STAC: variants seen among roughly 807,000 people sequenced by gnomAD.
STAC encodes the protein SH3 and cysteine-rich domain-containing protein.
STAC carries 43 observed loss-of-function variants against 48.8 expected under a neutral mutation model. The observed-to-expected ratio is 0.88, with a 90% CI of 0.69 to 1.14. The LOEUF (loss-of-function observed/expected upper bound fraction) is 1.14. STAC is among the 50% of genes most tolerant of loss of function. STAC has a pLI of 0.00. For synonymous variants in STAC, 193 were observed against 179.5 expected, an observed-to-expected ratio of 1.07 and a Z score of -0.60; for missense variants, 497 against 504.0, an observed-to-expected ratio of 0.99 and a Z score of 0.13.
At chr3:36,426,372 A>G (rs946371782) in intron 1 of STAC, among the ~76,000 whole-genome samples, 5 of 152,252 alleles carry the variant, frequency 3.3e-5, no homozygotes, top group African/African-American at 4.8e-5. Flanking sequence ...TTGGGATTGT[A>G]CTTGCTGCTC....
At chr3:36,446,428 G>A (rs9881480) in intron 2 of STAC, among the ~76,000 whole-genome samples, 10 of 152,104 alleles carry the variant, frequency 6.6e-5, no homozygotes, top group Admixed American at 2.6e-4. Context: ...TACTTGGCTA[G>A]AGGAACATAC....
At chr3:36,384,397 GA>G (rs1279838788) in intron 1 of STAC, among the ~76,000 whole-genome samples, 2 of 152,132 alleles carry the variant, frequency 1.3e-5, no homozygotes, top group Non-Finnish European at 2.9e-5. Flanking sequence ...TGGGGATGCT[GA>G]TGGGGCTGCT....
At chr3:36,492,066 ATG>A (rs1698001447) in intron 5 of STAC, among the ~76,000 whole-genome samples, 2 of 104,498 alleles carry the variant, frequency 1.9e-5, no homozygotes, top group Admixed American at 2.2e-4. Context: ...ATATATATAT[ATG>A]TGACTGTCCT....
chr3:36,421,212 T>G (rs1157004107), intron 1 of STAC, among the ~76,000 whole-genome samples: 1 of 152,242 alleles, frequency 6.6e-6, no homozygotes, highest in African/African-American at 2.4e-5. Flanking sequence ...GTACATTAAC[T>G]ACATTTTCAC....
rs368661092 is a variant in STAC, at chr3:36,485,024, A to G, written c.537A>G (p.Glu179=). The change falls in exon 4 of 11, where the codon GAA becomes GAG. Residue 179 remains glutamate, a synonymous_variant. Coordinates refer to ENST00000273183, the MANE Select transcript of STAC (RefSeq NM_003149.3). ...ACAGCTCCCCCTTGCTCATTCATGA[A>G]CAGTTTGGCTGCATTAAAGAAGTTA... is the stretch of plus-strand genomic sequence containing the variant. ...RYYSSPLLIH[E]QFGCIKEVMP... 7.5e-5 allele frequency: 120 copies of G among 1,604,586 alleles called. No homozygotes were observed. Among genetic ancestry groups the G allele is most frequent in the Non-Finnish European group, 1.0e-4 (117 of 1,175,812 alleles).
Position 36,407,274 on chromosome 3 carries a change from C to CAA in STAC, c.111+26528_111+26529dup, listed in dbSNP as rs375550705. Reference sequence around the variant, plus strand: ...AAAACAAAACAAGAAACAAACAAACCAAAAAAAAATAGATAAACCTTTAGC... The same window carrying CAA: ...AAAACAAAACAAGAAACAAACAAACCAAAAAAAAAAATAGATAAACCTTTAGC... On this transcript the variant is annotated intron_variant, in intron 1 of 10. Transcript: ENST00000273183. 1.1e-3 allele frequency among the ~76,000 whole-genome samples: 171 copies of CAA among 149,966 alleles called. 3 individuals carry two copies. In the East Asian group the frequency reaches 0.026, roughly 23 times the overall value.
At chr3:36,506,186 C>G (rs1286525020) in intron 8 of STAC, 1 of 173,506 alleles carries the variant, frequency 5.8e-6, no homozygotes, top group Non-Finnish European at 1.2e-5. Context: ...CACTTGGCAT[C>G]TGGTGGGGCC....
intron 1 of STAC, among the ~76,000 whole-genome samples, chr3:36,433,909 TAAG>T (rs1181684299): frequency 6.6e-6 from 1 of 152,214 alleles, no homozygotes; most frequent in Non-Finnish European, 1.5e-5. Context: ...CAGGTAGATG[TAAG>T]AAGAATATTT....
intron 1 of STAC, among the ~76,000 whole-genome samples, chr3:36,417,148 TG>T (rs751694263): frequency 6.6e-6 from 1 of 152,148 alleles, no homozygotes; most frequent in Non-Finnish European, 1.5e-5. Context: ...ATGCTCTGCA[TG>T]GACAAGAGTG....
chr3:36,542,253 C>T (rs147543501), intron 10 of STAC, among the ~76,000 whole-genome samples: 1 of 152,318 alleles, frequency 6.6e-6, no homozygotes, highest in African/African-American at 2.4e-5. Flanking sequence ...CCACCTATAT[C>T]TTAAATGACT....
intron 10 of STAC, among the ~76,000 whole-genome samples, chr3:36,545,562 T>C (rs1386304530): frequency 2.0e-5 from 3 of 152,262 alleles, no homozygotes; most frequent in African/African-American, 7.2e-5. Flanking sequence ...AATTTTCATC[T>C]GCCCACATCC....
At chr3:36,404,763 G>T (rs951019332) in intron 1 of STAC, among the ~76,000 whole-genome samples, 1 of 151,986 alleles carries the variant, frequency 6.6e-6, no homozygotes, top group Non-Finnish European at 1.5e-5. Flanking sequence ...ATAGATGATA[G>T]ATGTTTTTAA....
chr3:36,532,924 T>C (rs1054646486), intron 10 of STAC, among the ~76,000 whole-genome samples: 2 of 152,114 alleles, frequency 1.3e-5, no homozygotes, highest in Non-Finnish European at 2.9e-5. Flanking sequence ...TTTATACACA[T>C]GCCCTGTGAA....
intron 10 of STAC, among the ~76,000 whole-genome samples, chr3:36,535,296 T>C (rs1409079469): frequency 1.3e-5 from 2 of 152,186 alleles, no homozygotes; most frequent in Non-Finnish European, 2.9e-5. Context: ...CGTATAGTAA[T>C]GCTTGTGATT....
At chr3:36,499,557 T>A (rs867874682) in intron 6 of STAC, among the ~76,000 whole-genome samples, 15 of 151,500 alleles carry the variant, frequency 9.9e-5, no homozygotes, top group Non-Finnish European at 1.5e-4. Context: ...AGTGGCAAAA[T>A]AGAAGAAAAA....
chr3:36,477,729 C>T (rs1046187710), intron 2 of STAC, among the ~76,000 whole-genome samples: 1 of 152,116 alleles, frequency 6.6e-6, no homozygotes, highest in Non-Finnish European at 1.5e-5. Context: ...ATTTGAACAT[C>T]GTGACTAAAA....
intron 2 of STAC, among the ~76,000 whole-genome samples, chr3:36,445,622 C>T (rs753236060): frequency 6.6e-6 from 1 of 152,190 alleles, no homozygotes; most frequent in Non-Finnish European, 1.5e-5. Context: ...CTGCCTCTCT[C>T]GCTTTCTTGA....
chr3:36,536,544 T>G (rs1228706373), intron 10 of STAC, among the ~76,000 whole-genome samples: 1 of 152,162 alleles, frequency 6.6e-6, no homozygotes, highest in African/African-American at 2.4e-5. Flanking sequence ...GCTAGCCATA[T>G]GCAGAAGATT....
At chr3:36,396,522 A>C (rs1432964398) in intron 1 of STAC, among the ~76,000 whole-genome samples, 2 of 152,138 alleles carry the variant, frequency 1.3e-5, no homozygotes. Flanking sequence ...CATCTCACAG[A>C]AGTACAGGGA....
Sources: gnomAD v4.1 joint callset for allele counts (sites outside exome capture counted in the v4.1 genomes callset) on GRCh38, gnomAD v4.1.1 for gene constraint, MANE v1.5 for transcripts, NCBI Gene and HGNC (gene_info 2026-07-23, HGNC 2026-07-21) for gene names.